The following ARMC10 variants were observed in gnomAD, a reference collection of about 807,000 sequenced individuals.
ARMC10 encodes armadillo repeat-containing protein 10.
Under a neutral mutation model 30.2 loss-of-function variants are expected in ARMC10, and 23 were observed. That is an observed-to-expected ratio of 0.76 (90% CI 0.55 to 1.08). ARMC10 has a LOEUF of 1.08. Ranked by LOEUF, ARMC10 falls within the 50% of genes least tolerant of loss-of-function variation. The pLI, the probability that ARMC10 is intolerant of heterozygous loss-of-function variation, is 0.00. For synonymous variants in ARMC10, 111 were observed against 164.4 expected (o/e 0.68, Z 2.48); for missense variants, 303 against 413.7 (o/e 0.73, Z 2.32).
chr7:103,097,327 A>C lies in ARMC10; in HGVS notation c.756A>C (p.Thr252=). The stretch of plus-strand genomic sequence containing the variant: ...ATTTGTCTGAAAATCCAGCCATGAC[A>C]GAAGGACTTCTCCGTGCCCAAGTAA... ...LLNLSENPAM[T]EGLLRAQVDS... The change falls in exon 6 of 7, where the codon ACA becomes ACC. Residue 252 remains threonine, a synonymous_variant. Transcript: ENST00000323716. 6.2e-7 allele frequency: 1 copy of C among 1,613,358 alleles called. No homozygotes were observed. The highest frequency in any genetic ancestry group is 8.5e-7 in the Non-Finnish European group (1 of 1,179,472).
chr7:103,077,154 G>A (rs991249442), intron 2 of ARMC10, among the ~76,000 whole-genome samples: 1 of 152,138 alleles, frequency 6.6e-6, no homozygotes, highest in African/African-American at 2.4e-5. Flanking sequence ...GCATCCCGAA[G>A]TGCTGGAATT....
intron 2 of ARMC10, among the ~76,000 whole-genome samples, chr7:103,080,630 T>G (rs995843178): frequency 6.6e-6 from 1 of 151,310 alleles, no homozygotes; most frequent in Non-Finnish European, 1.5e-5. Flanking sequence ...ATTTTTTATT[T>G]ATTCATTTAT....
At chr7:103,097,190 C>T in intron 5 of ARMC10, 87 bp from the exon 6 acceptor site, 1 of 1,129,988 alleles carries the variant, frequency 8.8e-7, no homozygotes, top group Non-Finnish European at 1.3e-6. Context: ...AGGACTTTAA[C>T]AGGAAGACAT....
chr7:103,079,827 T>C (rs1048628799), intron 2 of ARMC10, among the ~76,000 whole-genome samples: 3 of 152,246 alleles, frequency 2.0e-5, no homozygotes, highest in Non-Finnish European at 4.4e-5. Flanking sequence ...ATAAAAACTT[T>C]AAAAATTAGG....
At chr7:103,083,179 G>T in intron 2 of ARMC10, 1 of 456,254 alleles carries the variant, frequency 2.2e-6, no homozygotes, top group Non-Finnish European at 4.4e-6. Flanking sequence ...CATATGCCAG[G>T]TGACCATTGA....
chr7:103,075,477 G>A, intron 1 of ARMC10, 66 bp downstream of exon 1: 4 of 1,254,248 alleles, frequency 3.2e-6, no homozygotes, highest in Non-Finnish European at 4.0e-6. Flanking sequence ...GGCCGGGGTG[G>A]TGGCTTGCGT....
At chr7:103,089,830 A>G (rs1386934143) in intron 4 of ARMC10, among the ~76,000 whole-genome samples, 3 of 152,212 alleles carry the variant, frequency 2.0e-5, no homozygotes, top group Non-Finnish European at 2.9e-5. Context: ...TTTCAATTCA[A>G]TATTTATCAA....
intron 2 of ARMC10, chr7:103,083,089 AC>A: frequency 2.2e-6 from 1 of 456,730 alleles, no homozygotes; most frequent in South Asian, 1.5e-5. Flanking sequence ...GGATGGGTGT[AC>A]CTCGTTTTTA....
chr7:103,096,129 C>A (rs528945372), intron 5 of ARMC10: 4 of 152,334 alleles, frequency 2.6e-5, no homozygotes, highest in African/African-American at 7.2e-5. Flanking sequence ...CTTGTTATTA[C>A]TGACTTTTCA....
intron 4 of ARMC10, among the ~76,000 whole-genome samples, chr7:103,088,214 T>G (rs1030906765): frequency 6.6e-6 from 1 of 152,162 alleles, no homozygotes; most frequent in African/African-American, 2.4e-5. Flanking sequence ...CAGATGAGAT[T>G]AGTTTGGAAT....
rs1330586313 is a variant in ARMC10, at chr7:103,075,156, T to G, written c.-117T>G. The G allele has an allele frequency of 1.3e-5, 9 of 706,740 alleles. No homozygotes were observed. The highest frequency in any genetic ancestry group is 1.5e-5 in the Non-Finnish European group (8 of 549,348). 43.8% of individuals were successfully genotyped at this position (706,740 alleles called of 1,614,324 possible). On this transcript the variant is annotated 5_prime_UTR_variant, in exon 1 of 7. Transcript: ENST00000323716. Reference sequence around the variant, plus strand: ...TCAGACCCCATTTCCTTTCTCCACATCCAGGTCAGGTGGCGTTTGCTGTGG... The same window carrying G: ...TCAGACCCCATTTCCTTTCTCCACAGCCAGGTCAGGTGGCGTTTGCTGTGG...
At chr7:103,081,829 T>C (rs897102610) in intron 2 of ARMC10, 6 of 455,538 alleles carry the variant, frequency 1.3e-5, no homozygotes, top group South Asian at 4.7e-5. Flanking sequence ...TTCAGGGCTG[T>C]GTAGGAAACT....
rs776977533 is a variant in ARMC10, at chr7:103,083,759, A to G, written c.322A>G (p.Thr108Ala). ...GAAACTCCTTTACCTGCTGGAGTCA[A>G]CGGAGGATCCTGTAATTATTGAAAG... Reference protein sequence around the residue: ...LQKLLYLLESTEDPVIIERAL... With the variant: ...LQKLLYLLESAEDPVIIERAL... The change falls in exon 3 of 7, where the codon ACG becomes GCG. Residue 108 changes from threonine to alanine, a missense_variant. By Grantham distance (58) the Thr-to-Ala change is moderately conservative (BLOSUM62 0). Coordinates refer to ENST00000323716, the MANE Select transcript of ARMC10 (RefSeq NM_031905.5). The G allele has an allele frequency of 1.2e-6, 2 of 1,614,018 alleles. No homozygotes were observed. The highest frequency in any genetic ancestry group is 2.7e-5 in the African/African-American group (2 of 74,934).
chr7:103,093,290 C>G (rs1186997913), intron 5 of ARMC10, among the ~76,000 whole-genome samples: 1 of 152,180 alleles, frequency 6.6e-6, no homozygotes, highest in African/African-American at 2.4e-5. Flanking sequence ...TTCATCAAGG[C>G]TTTTTACCAT....
At chr7:103,085,016 A>G (rs1800711051) in intron 3 of ARMC10, among the ~76,000 whole-genome samples, 1 of 152,240 alleles carries the variant, frequency 6.6e-6, no homozygotes, top group South Asian at 2.1e-4. Context: ...CGTGTGGGAC[A>G]GAGGAGATGC....
chr7:103,079,042 C>T (rs757030614), intron 2 of ARMC10, among the ~76,000 whole-genome samples: 2 of 152,058 alleles, frequency 1.3e-5, no homozygotes, highest in African/African-American at 2.4e-5. Context: ...TTTGTACTAA[C>T]GTGGTTTGAG....
At position 103,075,819 on chromosome 7, in the gene ARMC10, G is replaced by A; in HGVS notation, c.182G>A (p.Arg61His). The change falls in exon 2 of 7, where the codon CGC becomes CAC. Residue 61 changes from arginine (R) to histidine (H), a missense_variant. This residue lies in a region of ARMC10 where 96 missense variants were observed against 84.2 expected (regional missense o/e 1.14). Transcript: ENST00000323716. ...ACGTCAGAGGGTCAGTTGTGCGGGC[G>A]CTCGGCCCGGCCTCAGACGGGAGGT... ...EGTSEGQLCGRSARPQTGGTW... is the reference protein window; with the variant it reads ...EGTSEGQLCGHSARPQTGGTW... The A allele has an allele frequency of 1.2e-6, 2 of 1,610,764 alleles. No homozygotes were observed.
At chr7:103,083,548 C>A in intron 2 of ARMC10, 134 bp from the exon 3 acceptor site, 1 of 740,082 alleles carries the variant, frequency 1.4e-6, no homozygotes, top group African/African-American at 1.8e-5. Context: ...ATCACTTGAG[C>A]CCAGGAGATC....
intron 6 of ARMC10, among the ~76,000 whole-genome samples, chr7:103,097,609 A>G (rs532840025): frequency 7.9e-5 from 12 of 152,344 alleles, no homozygotes; most frequent in African/African-American, 2.9e-4. Context: ...AATTTTGGGT[A>G]CAATTGTGCC....
Sources: gnomAD v4.1 joint callset for allele counts (sites outside exome capture counted in the v4.1 genomes callset) on GRCh38, gnomAD v4.1.1 for gene constraint, gnomAD v4.1.1 regional missense constraint, MANE v1.5 for transcripts, NCBI Gene and HGNC (gene_info 2026-07-23, HGNC 2026-07-21) for gene names.